SCGB2B2: variants seen among roughly 807,000 people sequenced by gnomAD.
SCGB2B2 encodes the protein secretoglobin family 2B member 2.
In SCGB2B2, 11 loss-of-function variants were observed where a neutral mutation model predicts 7.6. The observed-to-expected ratio is 1.45, with a 90% CI of 0.91 to 2.40. SCGB2B2 has a LOEUF of 2.40. SCGB2B2 is among the 30% of genes most tolerant of loss of function. SCGB2B2 has a pLI of 0.00. For synonymous variants in SCGB2B2, 50 were observed against 48.6 expected (o/e 1.03, Z -0.12); for missense variants, 104 against 115.4 (o/e 0.90, Z 0.45).
chr19:34,657,931 G>T (rs2067326128), intron 1 of SCGB2B2, among the ~76,000 whole-genome samples: 1 of 152,172 alleles, frequency 6.6e-6, no homozygotes, highest in African/African-American at 2.4e-5. Flanking sequence ...TAGAACTCAG[G>T]ATTAAGAAAC....
At chr19:34,663,031 G>A (rs1054412667) in intron 1 of SCGB2B2, among the ~76,000 whole-genome samples, 1 of 152,020 alleles carries the variant, frequency 6.6e-6, no homozygotes, top group Non-Finnish European at 1.5e-5. Flanking sequence ...AACATATGAA[G>A]AGGCCTCAAC....
At chr19:34,661,181 G>T (rs775483197) in intron 1 of SCGB2B2, among the ~76,000 whole-genome samples, 2 of 152,034 alleles carry the variant, frequency 1.3e-5, no homozygotes, top group Non-Finnish European at 2.9e-5. Context: ...TAGGCGATGA[G>T]TTGATGGGTG....
chr19:34,664,243 G>C (rs1446133312), intron 1 of SCGB2B2, among the ~76,000 whole-genome samples: 1 of 152,224 alleles, frequency 6.6e-6, no homozygotes, highest in African/African-American at 2.4e-5. Context: ...AACGGTCCCT[G>C]GCAGAGAACG....
chr19:34,673,496 T>C (rs550129248), intron 1 of SCGB2B2, among the ~76,000 whole-genome samples: 1 of 152,178 alleles, frequency 6.6e-6, no homozygotes. Flanking sequence ...GCAAGTTTAT[T>C]AGAAGCTACA....
rs557565436 is a variant in SCGB2B2, at chr19:34,609,007, C to T, written c.-2031-12413G>A. Among the ~76,000 whole-genome samples, 254 of 151,938 alleles carry T rather than the reference C, an allele frequency of 1.7e-3. 1 individual carries two copies. The highest frequency in any genetic ancestry group is 5.6e-3 in the African/African-American group (234 of 41,478). On this transcript the variant is annotated intron_variant, in intron 1 of 3. Coordinates refer to ENST00000601241, the MANE Select transcript of SCGB2B2 (RefSeq NM_001025591.4). ...GTTATCTTTTGTAATTTTGATAATA[C>T]CCATCCCTACTGAGGTGAGATGATA... is the stretch of plus-strand genomic sequence containing the variant.
At chr19:34,619,678 C>T (rs543107782) in intron 1 of SCGB2B2, among the ~76,000 whole-genome samples, 57 of 152,204 alleles carry the variant, frequency 3.7e-4, no homozygotes, top group Non-Finnish European at 6.3e-4. Context: ...TCAGAAAAGA[C>T]TGATTCCCTA....
intron 1 of SCGB2B2, among the ~76,000 whole-genome samples, chr19:34,603,353 T>C (rs1220676551): frequency 6.6e-6 from 1 of 152,228 alleles, no homozygotes; most frequent in Non-Finnish European, 1.5e-5. Flanking sequence ...TGATCCAGAA[T>C]ATCTTACAAC....
chr19:34,593,296 C>A lies in SCGB2B2; in HGVS notation c.*259G>T, dbSNP rs978433934. ...GATCGCGCCAATGCACTCCAGCCACCCTCCTCCCCGCCAAAAAGAAAACAG... is the reference window on the plus strand; with the variant it reads ...GATCGCGCCAATGCACTCCAGCCACACTCCTCCCCGCCAAAAAGAAAACAG... On this transcript the variant is annotated 3_prime_UTR_variant, in exon 4 of 4. Transcript: ENST00000601241. 2.4e-5 allele frequency: 10 copies of A among 413,316 alleles called. No homozygotes were observed. Among genetic ancestry groups the A allele is most frequent in the African/African-American group, 2.0e-4 (10 of 49,520 alleles). 25.6% of individuals were successfully genotyped at this position (413,316 alleles called of 1,614,324 possible). A position where few individuals can be genotyped will look rare whatever the true frequency, so the allele number is the denominator to read the frequency against.
intron 1 of SCGB2B2, among the ~76,000 whole-genome samples, chr19:34,609,364 C>T (rs550500747): frequency 4.0e-5 from 6 of 151,744 alleles, no homozygotes; most frequent in Admixed American, 3.9e-4. Flanking sequence ...TTTGTTTGTG[C>T]TTTTGAGGTT....
chr19:34,624,536 C>A (rs1250325289), intron 1 of SCGB2B2, among the ~76,000 whole-genome samples: 1 of 152,166 alleles, frequency 6.6e-6, no homozygotes, highest in Non-Finnish European at 1.5e-5. Context: ...GCTGTAAAAA[C>A]TCCCTCAACA....
chr19:34,652,272 AC>A (rs2067181105), intron 1 of SCGB2B2, among the ~76,000 whole-genome samples: 2 of 151,192 alleles, frequency 1.3e-5, no homozygotes, highest in African/African-American at 4.9e-5. Context: ...AAATAGGATA[AC>A]TGGATTATAT....
intron 1 of SCGB2B2, among the ~76,000 whole-genome samples, chr19:34,597,524 G>C (rs2065494256): frequency 6.6e-6 from 1 of 152,170 alleles, no homozygotes; most frequent in Admixed American, 6.5e-5. Flanking sequence ...CTGGCACTGG[G>C]ACCAGCAGTT....
intron 1 of SCGB2B2, among the ~76,000 whole-genome samples, chr19:34,658,116 T>A (rs2067332919): frequency 6.6e-6 from 1 of 152,212 alleles, no homozygotes; most frequent in Admixed American, 6.5e-5. Flanking sequence ...GGGAAATTTA[T>A]AGCACTAAAT....
chr19:34,667,070 C>T (rs375006309), intron 1 of SCGB2B2, among the ~76,000 whole-genome samples: 2 of 152,206 alleles, frequency 1.3e-5, no homozygotes, highest in African/African-American at 4.8e-5. Context: ...ATGCAGCAGG[C>T]CCGGCCACCA....
At chr19:34,647,197 G>A (rs542665813) in intron 1 of SCGB2B2, among the ~76,000 whole-genome samples, 67 of 152,322 alleles carry the variant, frequency 4.4e-4, no homozygotes, top group African/African-American at 1.5e-3. Flanking sequence ...GACCATGACA[G>A]GGGACACTGA....
chr19:34,612,125 C>T (rs561187786), intron 1 of SCGB2B2, among the ~76,000 whole-genome samples: 2 of 134,536 alleles, frequency 1.5e-5, no homozygotes. Flanking sequence ...GCAATATCCG[C>T]CTCCTGGATT....
rs926558939 is a variant in SCGB2B2, at chr19:34,657,397, T to C, written c.-2032+18233A>G. On this transcript the variant is annotated intron_variant, in intron 1 of 3. Transcript: ENST00000601241. ...TGCACATAGGCTCAAAATAAAGGGATGGAGGAAGATCTACCAAGCAAATGG... is the reference window on the plus strand; with the variant it reads ...TGCACATAGGCTCAAAATAAAGGGACGGAGGAAGATCTACCAAGCAAATGG... 4.6e-5 allele frequency among the ~76,000 whole-genome samples: 7 copies of C among 150,928 alleles called. 1 individual carries two copies. The highest frequency in any genetic ancestry group is 7.4e-5 in the Non-Finnish European group (5 of 68,022).
At chr19:34,625,685 C>T (rs111774608) in intron 1 of SCGB2B2, among the ~76,000 whole-genome samples, 2,970 of 152,306 alleles carry the variant, frequency 0.02, 45 homozygotes, top group East Asian at 0.066. Context: ...TAGACTCCAC[C>T]TCTAGGGGCA....
chr19:34,597,599 CTA>C (rs2065495613), intron 1 of SCGB2B2, among the ~76,000 whole-genome samples: 1 of 152,244 alleles, frequency 6.6e-6, no homozygotes, highest in Non-Finnish European at 1.5e-5. Flanking sequence ...GTGGTCTGGG[CTA>C]TGCGCCTTGT....
Sources: gnomAD v4.1 joint callset for allele counts (sites outside exome capture counted in the v4.1 genomes callset) on GRCh38, gnomAD v4.1.1 for gene constraint, MANE v1.5 for transcripts, NCBI Gene and HGNC (gene_info 2026-07-23, HGNC 2026-07-21) for gene names.